The following ACADSB variants were observed in gnomAD, a reference collection of about 807,000 sequenced individuals.
The protein encoded by ACADSB is acyl-CoA dehydrogenase short/branched chain.
ACADSB carries 40 observed loss-of-function variants against 54.1 expected under a neutral mutation model. The ratio of observed to expected loss-of-function variants is 0.74; its 90% CI spans 0.57 to 0.96. The LOEUF (loss-of-function observed/expected upper bound fraction) is 0.96. Ranked by LOEUF, ACADSB falls within the 40% of genes least tolerant of loss-of-function variation. ACADSB has a pLI of 0.00. For missense variants in ACADSB, 530 were observed against 510.4 expected, an observed-to-expected ratio of 1.04 and a Z score of -0.37; for synonymous variants, 182 against 182.8, an observed-to-expected ratio of 1.00 and a Z score of 0.03.
intron 1 of ACADSB, among the ~76,000 whole-genome samples, chr10:123,033,549 A>T (rs4980174): frequency 0.17 from 25,774 of 152,056 alleles, 2,407 homozygotes; most frequent in Middle Eastern, 0.27. Flanking sequence ...CTGTGATGAC[A>T]ACCTCCACTT....
intron 1 of ACADSB, among the ~76,000 whole-genome samples, chr10:123,009,366 G>A (rs758937081): frequency 6.6e-5 from 10 of 152,156 alleles, no homozygotes; most frequent in Non-Finnish European, 1.3e-4. Context: ...AGGCCGTTGC[G>A]TCCTGAGAGC....
chr10:123,018,135 T>TG (rs1850132227), intron 1 of ACADSB, among the ~76,000 whole-genome samples: 1 of 152,206 alleles, frequency 6.6e-6, no homozygotes, highest in Non-Finnish European at 1.5e-5. Flanking sequence ...TCTGTTCAGC[T>TG]GGTTTGGGGG....
intron 1 of ACADSB, among the ~76,000 whole-genome samples, chr10:123,025,311 C>A (rs542444414): frequency 4.0e-5 from 6 of 151,300 alleles, no homozygotes; most frequent in Non-Finnish European, 7.4e-5. Context: ...AGAACAACAA[C>A]AAAAAATTAG....
At position 123,040,789 on chromosome 10, in the gene ACADSB, A is replaced by G. The variant is rs150914464; in HGVS notation, c.510+117A>G. 3.6e-5 allele frequency: 35 copies of G among 960,198 alleles called. No individual in the cohort carries two copies. The Admixed American group carries it at 3.7e-4, about 10-fold the overall frequency. The allele number at this position is 960,198 out of a possible 1,614,324, so 59.5% of individuals were successfully genotyped here. ...CTATCCAAGACCACAATGCGGTATC[A>G]TTAATTCAAGCAATGCTTGATAAAT... On this transcript the variant is annotated intron_variant, in intron 4 of 10. Coordinates refer to ENST00000358776, the MANE Select transcript of ACADSB (RefSeq NM_001609.4).
At chr10:123,010,136 G>T (rs1224368725) in intron 1 of ACADSB, among the ~76,000 whole-genome samples, 1 of 152,116 alleles carries the variant, frequency 6.6e-6, no homozygotes, top group African/African-American at 2.4e-5. Flanking sequence ...AAATTTCTTT[G>T]GTTTTACAAT....
At position 123,044,588 on chromosome 10, in the gene ACADSB, T is replaced by C. The variant is rs542847173; in HGVS notation, c.900+103T>C. 1.0e-5 allele frequency: 9 copies of C among 899,126 alleles called. No individual in the cohort carries two copies. In the African/African-American group the frequency reaches 1.3e-4, roughly 13 times the overall value. 55.7% of individuals were successfully genotyped at this position (899,126 alleles called of 1,614,324 possible). A position where few individuals can be genotyped will look rare whatever the true frequency, so the allele number is the denominator to read the frequency against. ...TATTTGGAAGCTTATGGACACAAGA[T>C]GGCACCGTTCCCTTACATGAGGGAT... On this transcript the variant is annotated intron_variant, in intron 7 of 10. Coordinates refer to ENST00000358776, the MANE Select transcript of ACADSB (RefSeq NM_001609.4).
intron 4 of ACADSB, 38 bp from the exon 5 acceptor site, chr10:123,041,171 C>G (rs747487702): frequency 1.9e-6 from 3 of 1,599,248 alleles, no homozygotes; most frequent in South Asian, 2.2e-5. Flanking sequence ...AGTATAAATA[C>G]AGTTATTAAT....
intron 10 of ACADSB, among the ~76,000 whole-genome samples, 191 bp downstream of exon 10, chr10:123,053,351 T>TA (rs1251817461): frequency 2.0e-5 from 3 of 152,202 alleles, no homozygotes; most frequent in African/African-American, 7.2e-5. Flanking sequence ...TCTATATTTT[T>TA]AAAAAATATC....
rs151320501 is a variant in ACADSB, at chr10:123,016,337, G to A, written c.42+7266G>A. ...AATTTATAGACAAATGAAGGGAAGT[G>A]ACAAATCGGAAGTGAGGTACACAGT... On this transcript the variant is annotated intron_variant, in intron 1 of 10. Transcript: ENST00000358776. Among the ~76,000 whole-genome samples the A allele has an allele frequency of 5.4e-3, 829 of 152,320 alleles. 4 individuals carry two copies. The highest frequency in any genetic ancestry group is 8.2e-3 in the Non-Finnish European group (561 of 68,032).
intron 7 of ACADSB, among the ~76,000 whole-genome samples, chr10:123,046,406 T>G (rs1850561292): frequency 6.6e-6 from 1 of 152,218 alleles, no homozygotes; most frequent in Non-Finnish European, 1.5e-5. Flanking sequence ...TAAGCTTGAA[T>G]CATATAATAG....
At chr10:123,046,588 C>T (rs1850563111) in intron 7 of ACADSB, among the ~76,000 whole-genome samples, 2 of 152,200 alleles carry the variant, frequency 1.3e-5, no homozygotes, top group Admixed American at 1.3e-4. Flanking sequence ...TTCACCTACT[C>T]TACTCCCAAG....
intron 8 of ACADSB, among the ~76,000 whole-genome samples, chr10:123,050,087 T>A (rs955404862): frequency 6.6e-6 from 1 of 152,234 alleles, no homozygotes; most frequent in African/African-American, 2.4e-5. Flanking sequence ...GTATCACATA[T>A]TTCAGAAAGA....
chr10:123,026,013 G>T (rs2133465945), intron 1 of ACADSB, among the ~76,000 whole-genome samples: 1 of 152,026 alleles, frequency 6.6e-6, no homozygotes, highest in Non-Finnish European at 1.5e-5. Flanking sequence ...AGGTTGCAGT[G>T]AGCCAAGATG....
chr10:123,048,013 G>C (rs969980565), intron 8 of ACADSB, among the ~76,000 whole-genome samples: 1 of 152,172 alleles, frequency 6.6e-6, no homozygotes, highest in African/African-American at 2.4e-5. Context: ...CCCTCCTTGA[G>C]ATCTTGCCAG....
chr10:123,017,644 G>A (rs1850125242), intron 1 of ACADSB, among the ~76,000 whole-genome samples: 1 of 152,196 alleles, frequency 6.6e-6, no homozygotes, highest in Admixed American at 6.5e-5. Flanking sequence ...GCCGGCATTT[G>A]CATGTCTAAG....
intron 1 of ACADSB, among the ~76,000 whole-genome samples, chr10:123,031,649 A>AT (rs1379262208): frequency 6.6e-6 from 1 of 152,238 alleles, no homozygotes; most frequent in East Asian, 1.9e-4. Flanking sequence ...TAAATGGAAA[A>AT]TTTTTTCTGC....
chr10:123,017,104 G>A (rs536471692), intron 1 of ACADSB, among the ~76,000 whole-genome samples: 5 of 152,222 alleles, frequency 3.3e-5, no homozygotes, highest in Admixed American at 1.3e-4. Flanking sequence ...AGGGTGAGTT[G>A]AAGAAATTCC....
intron 3 of ACADSB, among the ~76,000 whole-genome samples, chr10:123,039,192 G>C (rs942968652): frequency 1.3e-5 from 2 of 152,214 alleles, no homozygotes; most frequent in African/African-American, 4.8e-5. Flanking sequence ...ATTGTAATGA[G>C]GTTTCCGGAG....
chr10:123,017,471 C>T (rs952451177), intron 1 of ACADSB, among the ~76,000 whole-genome samples: 3 of 152,208 alleles, frequency 2.0e-5, no homozygotes, highest in Non-Finnish European at 4.4e-5. Context: ...GCACCTACCA[C>T]CATGCCCGGC....
Sources: gnomAD v4.1 joint callset for allele counts (sites outside exome capture counted in the v4.1 genomes callset) on GRCh38, gnomAD v4.1.1 for gene constraint, MANE v1.5 for transcripts, NCBI Gene and HGNC (gene_info 2026-07-23, HGNC 2026-07-21) for gene names.